Variants in FRAS1 observed in about 807,000 individuals in gnomAD.
FRAS1 encodes the protein Fraser extracellular matrix complex subunit 1.
A neutral mutation model predicts 435.2 loss-of-function variants in FRAS1; 290 were observed. That is an observed-to-expected ratio of 0.67 (90% confidence interval 0.61 to 0.73). The LOEUF (loss-of-function observed/expected upper bound fraction) is 0.73. FRAS1 is among the 30% of genes least tolerant of loss of function. The pLI is 0.00. For missense variants in FRAS1, 4,860 were observed against 5,001.5 expected, an observed-to-expected ratio of 0.97 and a Z score of 0.85; for synonymous variants, 1,800 against 1,851.0, an observed-to-expected ratio of 0.97 and a Z score of 0.71.
chr4:78,231,889 C>A (rs1208178894), intron 2 of FRAS1, among the ~76,000 whole-genome samples: 1 of 151,900 alleles, frequency 6.6e-6, no homozygotes, highest in Admixed American at 6.6e-5. Context: ...AAGCTGTTTA[C>A]AAAGATATTT....
chr4:78,209,143 TA>T (rs988264222), intron 2 of FRAS1, among the ~76,000 whole-genome samples: 34 of 147,486 alleles, frequency 2.3e-4, no homozygotes, highest in Admixed American at 2.2e-3. Flanking sequence ...AGACCCCATG[TA>T]AAAAAAACAA....
intron 2 of FRAS1, among the ~76,000 whole-genome samples, chr4:78,104,030 C>T (rs1742266760): frequency 6.6e-6 from 1 of 152,192 alleles, no homozygotes; most frequent in African/African-American, 2.4e-5. Flanking sequence ...AAGTAGCCTC[C>T]TGCATGCTTA....
At chr4:78,220,578 A>G (rs1271734866) in intron 2 of FRAS1, among the ~76,000 whole-genome samples, 1 of 152,156 alleles carries the variant, frequency 6.6e-6, no homozygotes, top group Non-Finnish European at 1.5e-5. Flanking sequence ...TGTAGTGGCG[A>G]TTTTTCTGTA....
At chr4:78,539,517 G>A in intron 73 of FRAS1, 77 bp downstream of exon 73, 1 of 1,189,926 alleles carries the variant, frequency 8.4e-7, no homozygotes, top group Non-Finnish European at 1.2e-6. Context: ...AAAGAAGGAG[G>A]ACTGCAACAT....
At chr4:78,100,526 T>C (rs1413831190) in intron 2 of FRAS1, among the ~76,000 whole-genome samples, 3 of 152,354 alleles carry the variant, frequency 2.0e-5, no homozygotes, top group East Asian at 3.9e-4. Flanking sequence ...ATACCAATAA[T>C]TTATTGAATA....
intron 18 of FRAS1, among the ~76,000 whole-genome samples, chr4:78,323,746 T>G (rs1729600889): frequency 6.6e-6 from 1 of 152,220 alleles, no homozygotes; most frequent in South Asian, 2.1e-4. Flanking sequence ...TAGAACTGTA[T>G]GTCTCCTGGA....
Position 78,249,048 on chromosome 4 carries a change from GATATATATATATATGC to G in FRAS1, c.310-3329_310-3314del, listed in dbSNP as rs1553934019. Reference sequence around the variant, plus strand: ...TCATAAACGTGTATGAAGAACTACTGATATATATATATATGCATATATATATATATATATATATGCA... The same window carrying G: ...TCATAAACGTGTATGAAGAACTACTGATATATATATATATATATATATGCA... On this transcript the variant is annotated intron_variant, in intron 4 of 73. Transcript: ENST00000512123. 8.0e-4 allele frequency among the ~76,000 whole-genome samples: 22 copies of G among 27,544 alleles called. 2 individuals carry two copies. In the East Asian group the frequency reaches 0.026, roughly 32 times the overall value. The allele number at this position is 27,544 out of a possible 152,430, so 18.1% of individuals were successfully genotyped here. A position where few individuals can be genotyped will look rare whatever the true frequency, so the allele number is the denominator to read the frequency against.
chr4:78,228,397 A>C (rs1724362819), intron 2 of FRAS1, among the ~76,000 whole-genome samples: 1 of 152,232 alleles, frequency 6.6e-6, no homozygotes. Flanking sequence ...GTTCTCTTAG[A>C]TCAGGCTCTC....
chr4:78,488,282 C>A (rs1161627298), intron 58 of FRAS1, among the ~76,000 whole-genome samples: 1 of 152,158 alleles, frequency 6.6e-6, no homozygotes, highest in Non-Finnish European at 1.5e-5. Context: ...TTTTTGAATT[C>A]AGGAGCTATG....
chr4:78,456,712 T>G (rs1376221745), intron 47 of FRAS1, among the ~76,000 whole-genome samples: 1 of 152,078 alleles, frequency 6.6e-6, no homozygotes, highest in Non-Finnish European at 1.5e-5. Flanking sequence ...AAACAAACAT[T>G]TAGAGGGTAG....
At chr4:78,395,814 C>A (rs920428926) in intron 29 of FRAS1, among the ~76,000 whole-genome samples, 1 of 152,070 alleles carries the variant, frequency 6.6e-6, no homozygotes, top group African/African-American at 2.4e-5. Flanking sequence ...CATTCAGCCA[C>A]TCTGTGTTTT....
At chr4:78,097,100 A>C (rs2109910831) in intron 2 of FRAS1, among the ~76,000 whole-genome samples, 1 of 152,284 alleles carries the variant, frequency 6.6e-6, no homozygotes, top group Non-Finnish European at 1.5e-5. Flanking sequence ...CTCAAGTTCA[A>C]GGTTTCACAA....
intron 2 of FRAS1, among the ~76,000 whole-genome samples, chr4:78,142,129 T>TG (rs1720216861): frequency 6.7e-6 from 1 of 148,734 alleles, no homozygotes; most frequent in Admixed American, 6.7e-5. Context: ...CAATAACTTA[T>TG]GGAAAAAAAA....
Position 78,472,313 on chromosome 4 carries a change from C to T in FRAS1, c.7505C>T (p.Ala2502Val). ...VENKLQPGRA[A>V]ATFTQEDVNL... The stretch of plus-strand genomic sequence containing the variant: ...AACAAGCTGCAGCCTGGCAGAGCTG[C>T]TGCCACTTTCACCCAGGGTGGGGAC... The change falls in exon 52 of 74, where the codon GCT becomes GTT. Residue 2502 changes from alanine (A) to valine (V), a missense_variant. Coordinates refer to ENST00000512123, the MANE Select transcript of FRAS1 (RefSeq NM_025074.7). The T allele has an allele frequency of 6.2e-7, 1 of 1,607,376 alleles. No homozygotes were observed. Among genetic ancestry groups the T allele is most frequent in the East Asian group, 2.2e-5 (1 of 44,728 alleles).
At chr4:78,095,969 A>G (rs1741783918) in intron 2 of FRAS1, among the ~76,000 whole-genome samples, 1 of 152,162 alleles carries the variant, frequency 6.6e-6, no homozygotes, top group Non-Finnish European at 1.5e-5. Flanking sequence ...CATTAACCCA[A>G]AAGTCCACAG....
chr4:78,264,144 C>T (rs1726241618), intron 6 of FRAS1, among the ~76,000 whole-genome samples: 1 of 152,188 alleles, frequency 6.6e-6, no homozygotes, highest in East Asian at 1.9e-4. Context: ...CCTTTCATGT[C>T]TCCTTTCCTG....
At chr4:78,102,628 A>G (rs1343830271) in intron 2 of FRAS1, among the ~76,000 whole-genome samples, 2 of 152,186 alleles carry the variant, frequency 1.3e-5, no homozygotes, top group Non-Finnish European at 1.5e-5. Flanking sequence ...TGAAGAAAAC[A>G]TGAGAAGTTG....
At chr4:78,303,667 G>C (rs1728545362) in intron 14 of FRAS1, among the ~76,000 whole-genome samples, 1 of 152,058 alleles carries the variant, frequency 6.6e-6, no homozygotes, top group African/African-American at 2.4e-5. Flanking sequence ...GTCTGTTGTT[G>C]GTGTATAAGA....
intron 47 of FRAS1, among the ~76,000 whole-genome samples, chr4:78,457,904 CT>C (rs1273030461): frequency 1.3e-5 from 2 of 152,202 alleles, no homozygotes; most frequent in Admixed American, 1.3e-4. Flanking sequence ...TTTAAGCTCA[CT>C]TCTGAAAGTT....
Sources: allele counts gnomAD v4.1 joint callset (sites outside exome capture counted in the v4.1 genomes callset), GRCh38; gene constraint gnomAD v4.1.1; transcripts MANE v1.5; gene names NCBI Gene and HGNC (gene_info 2026-07-23, HGNC 2026-07-21).